The following DNAH14 variants were observed in gnomAD, a reference collection of about 807,000 sequenced individuals.
DNAH14 encodes the protein dynein axonemal heavy chain 14, also known as axonemal beta dynein heavy chain 14.
A neutral mutation model predicts 520.9 loss-of-function variants in DNAH14; 478 were observed. The observed-to-expected ratio is 0.92, with a 90% CI of 0.85 to 0.99. The LOEUF is 0.99. DNAH14 is among the 50% of genes least tolerant of loss of function. DNAH14 has a pLI of 0.00. For missense variants in DNAH14, 4,831 were observed against 5,234.5 expected (o/e 0.92, Z 2.38); for synonymous variants, 1,581 against 1,757.2 (o/e 0.90, Z 2.51).
intron 36 of DNAH14, among the ~76,000 whole-genome samples, chr1:225,183,031 C>T (rs2084237829): frequency 6.6e-6 from 1 of 151,368 alleles, no homozygotes. Context: ...CACTCTTTTC[C>T]CAGCTCCAGG....
At chr1:225,190,140 CTA>C (rs1196182304) in intron 37 of DNAH14, among the ~76,000 whole-genome samples, 1 of 151,836 alleles carries the variant, frequency 6.6e-6, no homozygotes, top group Non-Finnish European at 1.5e-5. Flanking sequence ...CCTATATATA[CTA>C]TGTTTTTTCC....
intron 8 of DNAH14, among the ~76,000 whole-genome samples, chr1:225,000,121 A>G (rs1161776506): frequency 1.3e-5 from 2 of 152,014 alleles, no homozygotes; most frequent in Admixed American, 6.6e-5. Context: ...TCTACTTTTC[A>G]TTTGTCTTAG....
intron 30 of DNAH14, among the ~76,000 whole-genome samples, chr1:225,146,076 C>G (rs1029553241): frequency 6.6e-6 from 1 of 152,134 alleles, no homozygotes; most frequent in Non-Finnish European, 1.5e-5. Flanking sequence ...TTTTAAGATA[C>G]TTACCAAATA....
intron 64 of DNAH14, among the ~76,000 whole-genome samples, chr1:225,329,196 C>G (rs1430052624): frequency 6.6e-6 from 1 of 150,448 alleles, no homozygotes; most frequent in South Asian, 2.1e-4. Flanking sequence ...GTAGATTTGA[C>G]AAGGCTGAGA....
rs1444406111 is a variant in DNAH14 at position 225,381,586 on chromosome 1, A to AATT, written c.13077+17_13077+19dup. ...AGTGCCTACATTGTGGCAGGTAAGC[A>AATT]ATTATTATTATTTCCTATTTTCTTG... On this transcript the variant is annotated splice_region_variant and intron_variant, in intron 81 of 85. Transcript: ENST00000682510. The AATT allele has an allele frequency of 6.0e-6, 9 of 1,495,818 alleles. 2 individuals carry two copies. In the South Asian group the frequency reaches 1.0e-4, roughly 17 times the overall value. 92.7% of individuals were successfully genotyped at this position (1,495,818 alleles called of 1,614,324 possible).
In DNAH14 at chr1:225,232,701, G is replaced by A. The variant is rs1032614856; in HGVS notation, c.6518+1550G>A. Among the ~76,000 whole-genome samples the A allele has an allele frequency of 4.6e-5, 7 of 152,106 alleles. No individual in the cohort carries two copies. Among genetic ancestry groups the A allele is most frequent in the Non-Finnish European group, 5.9e-5 (4 of 68,026 alleles). ...CTCCTGTATTTTGCCAAATATCACC[G>A]ATTCTTTGGTCTCAATTAAATGGTT... On this transcript the variant is annotated intron_variant, in intron 42 of 85. Transcript: ENST00000682510. The surrounding 1 kb of genome is among the most constrained non-coding windows in gnomAD (Gnocchi z 4.2).
At chr1:225,020,323 C>T (rs1166225769) in intron 10 of DNAH14, among the ~76,000 whole-genome samples, 4 of 151,702 alleles carry the variant, frequency 2.6e-5, no homozygotes, top group Non-Finnish European at 5.9e-5. Flanking sequence ...ATGGTGAAAC[C>T]TCATCTCTAT....
intron 11 of DNAH14, among the ~76,000 whole-genome samples, chr1:225,036,427 G>A (rs1391369960): frequency 1.3e-5 from 2 of 151,972 alleles, no homozygotes; most frequent in African/African-American, 2.4e-5. Context: ...AAGCCACCAC[G>A]CCCTGCCCAG....
intron 4 of DNAH14, chr1:224,961,152 A>G (rs2060819404): frequency 6.6e-6 from 1 of 152,114 alleles, no homozygotes; most frequent in Non-Finnish European, 1.5e-5. Flanking sequence ...CCAATCACAA[A>G]GAAATGAATT....
chr1:225,100,656 G>GT, intron 22 of DNAH14, 57 bp from the exon 23 acceptor site: 2 of 1,329,038 alleles, frequency 1.5e-6, no homozygotes, highest in Non-Finnish European at 2.0e-6. Context: ...TTACATTATA[G>GT]ATTTTAATCA....
rs1321855876 is a variant in DNAH14 at position 225,307,441 on chromosome 1, A to G, written c.9006-20A>G. The G allele has an allele frequency of 2.0e-6, 3 of 1,477,314 alleles. No individual in the cohort carries two copies. Among genetic ancestry groups the G allele is most frequent in the Non-Finnish European group, 2.7e-6 (3 of 1,094,314 alleles). The allele number at this position is 1,477,314 out of a possible 1,614,324, so 91.5% of individuals were successfully genotyped here. Reference sequence around the variant, plus strand: ...ATTGTGTTATATCTTACACCTTCTTAATACTTTTTCTTCCTTCAGGGATCG... The same window carrying G: ...ATTGTGTTATATCTTACACCTTCTTGATACTTTTTCTTCCTTCAGGGATCG... On this transcript the variant is annotated intron_variant, in intron 58 of 85. Coordinates refer to ENST00000682510, the MANE Select transcript of DNAH14 (RefSeq NM_001367479.1).
intron 41 of DNAH14, among the ~76,000 whole-genome samples, chr1:225,220,753 A>ACTTGG (rs1484116467): frequency 2.0e-4 from 31 of 152,320 alleles, no homozygotes; most frequent in African/African-American, 7.0e-4. Flanking sequence ...ATTCAATGCT[A>ACTTGG]TTCCCATCAA....
chr1:225,094,709 C>G (rs1279645705), intron 21 of DNAH14, among the ~76,000 whole-genome samples: 1 of 131,478 alleles, frequency 7.6e-6, no homozygotes, highest in Non-Finnish European at 1.7e-5. Context: ...AAAACGCTAT[C>G]AACAGAGTAA....
intron 80 of DNAH14, among the ~76,000 whole-genome samples, chr1:225,380,908 A>G (rs923194911): frequency 8.5e-5 from 13 of 152,248 alleles, no homozygotes; most frequent in Non-Finnish European, 1.8e-4. Context: ...GTCATTGTTG[A>G]GTCTCAATCA....
chr1:225,218,209 A>G (rs1348974089), intron 41 of DNAH14, among the ~76,000 whole-genome samples: 2 of 152,350 alleles, frequency 1.3e-5, no homozygotes, highest in East Asian at 3.9e-4. Context: ...AAACATACCA[A>G]ATTGTAAAGA....
intron 44 of DNAH14, among the ~76,000 whole-genome samples, chr1:225,253,252 G>T (rs1321338885): frequency 6.6e-6 from 1 of 152,054 alleles, no homozygotes; most frequent in Admixed American, 6.6e-5. Flanking sequence ...TGCTGATATT[G>T]ACTGACAGCC....
At chr1:225,073,897 G>A (rs889191800) in intron 17 of DNAH14, among the ~76,000 whole-genome samples, 1 of 150,128 alleles carries the variant, frequency 6.7e-6, no homozygotes, top group African/African-American at 2.5e-5. Flanking sequence ...TGGCCAAAAT[G>A]TTCTCAATCT....
At chr1:225,257,564 G>A (rs1436826621) in intron 44 of DNAH14, among the ~76,000 whole-genome samples, 4 of 149,312 alleles carry the variant, frequency 2.7e-5, no homozygotes, top group African/African-American at 4.9e-5. Flanking sequence ...TTTTGAGACG[G>A]AGTCTCTGTC....
intron 58 of DNAH14, among the ~76,000 whole-genome samples, chr1:225,305,619 GTAGCA>G (rs2094223720): frequency 6.6e-6 from 1 of 152,108 alleles, no homozygotes; most frequent in Non-Finnish European, 1.5e-5. Context: ...AAATGGCCTG[GTAGCA>G]TCTACTCACA....
Sources: gnomAD v4.1 joint callset for allele counts (sites outside exome capture counted in the v4.1 genomes callset) on GRCh38, gnomAD v4.1.1 for gene constraint, Gnocchi (gnomAD v3.1) non-coding constraint, MANE v1.5 for transcripts, NCBI Gene and HGNC (gene_info 2026-07-23, HGNC 2026-07-21) for gene names.